NSG2: variants seen among roughly 807,000 people sequenced by gnomAD.
The protein encoded by NSG2 is neuronal vesicle trafficking-associated protein 2.
NSG2 carries 4 observed loss-of-function variants against 16.9 expected under a neutral mutation model. The ratio of observed to expected loss-of-function variants is 0.24; its 90% confidence interval spans 0.12 to 0.54. The LOEUF (loss-of-function observed/expected upper bound fraction) is 0.54. Ranked by LOEUF, NSG2 falls within the 20% of genes least tolerant of loss-of-function variation. The pLI, the probability that NSG2 is intolerant of heterozygous loss-of-function variation, is 0.95. For missense variants in NSG2, 179 were observed against 221.1 expected (o/e 0.81, Z 1.21); for synonymous variants, 98 against 88.7 (o/e 1.11, Z -0.59).
At chr5:174,078,461 CAG>C (rs1214602239) in intron 3 of NSG2, among the ~76,000 whole-genome samples, 10 of 152,196 alleles carry the variant, frequency 6.6e-5, no homozygotes, top group African/African-American at 2.4e-4. Flanking sequence ...TGGTTGTAGA[CAG>C]AGGATGTTTC....
At chr5:174,104,203 A>T (rs768201512) in intron 3 of NSG2, 25 bp from the exon 4 acceptor site, 1 of 1,569,012 alleles carries the variant, frequency 6.4e-7, no homozygotes, top group Non-Finnish European at 8.8e-7. Context: ...CTGAGGCTGG[A>T]TGACTTAATT....
chr5:174,053,468 G>T (rs1759922868), intron 2 of NSG2, among the ~76,000 whole-genome samples: 1 of 152,144 alleles, frequency 6.6e-6, no homozygotes, highest in Non-Finnish European at 1.5e-5. Flanking sequence ...TGTCACTGAG[G>T]CCTGTGTGCC....
At chr5:174,080,623 G>A (rs761371378) in intron 3 of NSG2, among the ~76,000 whole-genome samples, 34 of 151,428 alleles carry the variant, frequency 2.2e-4, no homozygotes, top group Middle Eastern at 3.4e-3. Flanking sequence ...GTACAGTGGT[G>A]TGATCTTGGC....
intron 3 of NSG2, among the ~76,000 whole-genome samples, chr5:174,073,747 G>T (rs1455428185): frequency 6.6e-6 from 1 of 152,266 alleles, no homozygotes; most frequent in Middle Eastern, 3.4e-3. Context: ...GATGAGAGAC[G>T]GGGTGATTCA....
At position 174,108,187 on chromosome 5, in the gene NSG2, C is replaced by T. The variant is rs569281928; in HGVS notation, c.*682C>T. 1.9e-4 allele frequency: 33 copies of T among 173,592 alleles called. No individual in the cohort carries two copies. In the South Asian group the frequency reaches 2.2e-3, roughly 12 times the overall value. The allele number at this position is 173,592 out of a possible 1,614,324, so 10.8% of individuals were successfully genotyped here. Reference sequence around the variant, plus strand: ...TAGGACCTGGGCAGACCCACATGGCCTGGGCTCTGAATGCCCACCCTGCGA... The same window carrying T: ...TAGGACCTGGGCAGACCCACATGGCTTGGGCTCTGAATGCCCACCCTGCGA... On this transcript the variant is annotated 3_prime_UTR_variant, in exon 5 of 5. Coordinates refer to ENST00000303177, the MANE Select transcript of NSG2 (RefSeq NM_015980.5).
chr5:174,065,178 A>G (rs1760119175), intron 3 of NSG2, among the ~76,000 whole-genome samples: 1 of 152,116 alleles, frequency 6.6e-6, no homozygotes, highest in African/African-American at 2.4e-5. Flanking sequence ...AATACAAAAA[A>G]TTAGCTGGGC....
Position 174,059,280 on chromosome 5 carries a change from A to G in NSG2, c.130-4952A>G, listed in dbSNP as rs115975663. ...CTATGAAATTCATCAATGTATATGT[A>G]GTATAGCGGTGAGGCATTCCATTTT... On this transcript the variant is annotated intron_variant, in intron 2 of 4. Transcript: ENST00000303177. Among the ~76,000 whole-genome samples the G allele has an allele frequency of 6.7e-3, 1,015 of 152,322 alleles. 10 individuals are homozygous for G. The highest frequency in any genetic ancestry group is 0.024 in the African/African-American group (977 of 41,558).
At position 174,107,715 on chromosome 5, in the gene NSG2, C is replaced by T. The variant is rs1195178089; in HGVS notation, c.*210C>T. 6 of 699,610 alleles carry T rather than the reference C, an allele frequency of 8.6e-6. No homozygotes were observed. Among genetic ancestry groups the T allele is most frequent in the South Asian group, 3.0e-5 (2 of 66,758 alleles). The allele number at this position is 699,610 out of a possible 1,614,324, so 43.3% of individuals were successfully genotyped here. A position where few individuals can be genotyped will look rare whatever the true frequency, so the allele number is the denominator to read the frequency against. ...TTTTTGTTCCTTGGTATTGTTGATT[C>T]GTCGCCGAGTCAGGCTCATGTACAA... On this transcript the variant is annotated 3_prime_UTR_variant, in exon 5 of 5. Transcript: ENST00000303177. The surrounding 1 kb of genome is among the most constrained non-coding windows in gnomAD (Gnocchi z 4.5).
intron 2 of NSG2, among the ~76,000 whole-genome samples, chr5:174,048,520 T>C (rs1456752592): frequency 6.6e-6 from 1 of 152,182 alleles, no homozygotes; most frequent in East Asian, 1.9e-4. Flanking sequence ...AACCCAGATA[T>C]AAGTAGAGGT....
chr5:174,100,601 T>C (rs1760883187), intron 3 of NSG2, among the ~76,000 whole-genome samples: 1 of 152,174 alleles, frequency 6.6e-6, no homozygotes, highest in Non-Finnish European at 1.5e-5. Flanking sequence ...AACCACTACC[T>C]CCAACGTACC....
intron 3 of NSG2, among the ~76,000 whole-genome samples, chr5:174,087,387 A>G (rs755747352): frequency 6.6e-6 from 1 of 152,164 alleles, no homozygotes; most frequent in African/African-American, 2.4e-5. Flanking sequence ...GAGTTTCCTT[A>G]TAGGCAGGTG....
At chr5:174,049,445 GCA>G (rs200024973) in intron 2 of NSG2, among the ~76,000 whole-genome samples, 99 of 150,260 alleles carry the variant, frequency 6.6e-4, no homozygotes, top group African/African-American at 9.5e-4. Context: ...ACGCGCACGT[GCA>G]CACACACACA....
At chr5:174,089,826 G>T (rs1013727925) in intron 3 of NSG2, among the ~76,000 whole-genome samples, 6 of 152,032 alleles carry the variant, frequency 3.9e-5, no homozygotes, top group Non-Finnish European at 8.8e-5. Flanking sequence ...TTGCTATGTT[G>T]CCCAGGCTGG....
intron 3 of NSG2, among the ~76,000 whole-genome samples, chr5:174,066,890 T>G: frequency 6.9e-6 from 1 of 144,090 alleles, no homozygotes; most frequent in East Asian, 2.0e-4. Flanking sequence ...CTTGGGAGGC[T>G]GAGGCAGGAG....
At position 174,107,968 on chromosome 5, in the gene NSG2, G is replaced by A. The variant is rs995619505; in HGVS notation, c.*463G>A. On this transcript the variant is annotated 3_prime_UTR_variant, in exon 5 of 5. Coordinates refer to ENST00000303177, the MANE Select transcript of NSG2 (RefSeq NM_015980.5). This position sits in a 1 kb window ranked among gnomAD's most constrained non-coding sequence, Gnocchi z 4.5. ...TGGGGGCTCCAGGGTTGCAGAGTAT[G>A]AGTGACACAGACCGGGACTATTCCA... The A allele has an allele frequency of 2.8e-6, 1 of 362,502 alleles. No homozygotes were observed. Among genetic ancestry groups the A allele is most frequent in the Non-Finnish European group, 5.4e-6 (1 of 186,154 alleles). 22.5% of individuals were successfully genotyped at this position (362,502 alleles called of 1,614,324 possible). A position where few individuals can be genotyped will look rare whatever the true frequency, so the allele number is the denominator to read the frequency against.
chr5:174,105,876 G>C (rs1282653153), intron 4 of NSG2, among the ~76,000 whole-genome samples: 3 of 152,132 alleles, frequency 2.0e-5, no homozygotes, highest in Admixed American at 6.5e-5. Context: ...CTCCAGCCTG[G>C]GGGGACAGAG....
intron 3 of NSG2, among the ~76,000 whole-genome samples, chr5:174,103,828 G>C (rs1460188223): frequency 1.3e-5 from 2 of 152,086 alleles, no homozygotes; most frequent in East Asian, 3.9e-4. Flanking sequence ...GCCAGGTGTG[G>C]TGGTGGGTAC....
intron 1 of NSG2, among the ~76,000 whole-genome samples, chr5:174,046,425 TTAGCTC>T (rs1296542948): frequency 3.3e-5 from 5 of 152,182 alleles, no homozygotes; most frequent in Admixed American, 2.6e-4. Context: ...TGTGAGCACT[TTAGCTC>T]TAGTGTCTTG....
At chr5:174,086,079 G>A (rs937027976) in intron 3 of NSG2, among the ~76,000 whole-genome samples, 4 of 151,974 alleles carry the variant, frequency 2.6e-5, no homozygotes, top group Non-Finnish European at 2.9e-5. Context: ...TTTCAGACCC[G>A]TTTAACCCCC....
Sources: allele counts gnomAD v4.1 joint callset (sites outside exome capture counted in the v4.1 genomes callset), GRCh38; gene constraint gnomAD v4.1.1; non-coding constraint Gnocchi (gnomAD v3.1); transcripts MANE v1.5; gene names NCBI Gene and HGNC (gene_info 2026-07-23, HGNC 2026-07-21).